RBM11: variants seen among roughly 807,000 people sequenced by gnomAD.
The protein encoded by RBM11 is splicing regulator RBM11.
RBM11 carries 18 observed loss-of-function variants against 21.4 expected under a neutral mutation model. The observed-to-expected ratio is 0.84, with a 90% CI of 0.58 to 1.25. The LOEUF (loss-of-function observed/expected upper bound fraction) is 1.25. Among genes scored for constraint, RBM11 ranks in the 50% most tolerant of loss-of-function variants. The probability of loss-of-function intolerance (pLI) is 0.00; values close to 1 mark genes in which losing one functional copy is unlikely to be tolerated. For missense variants in RBM11, 294 were observed against 331.9 expected, an observed-to-expected ratio of 0.89 and a Z score of 0.89; for synonymous variants, 120 against 116.3, an observed-to-expected ratio of 1.03 and a Z score of -0.20.
chr21:14,227,529 AAT>A lies in RBM11; in HGVS notation c.*238_*239del, dbSNP rs1174569672. On this transcript the variant is annotated 3_prime_UTR_variant, in exon 5 of 5. Transcript: ENST00000400577. ...TGATATTTTTGACCCATTGGCAACAAATAGACTATTGTCATTTTATTAGTACC... is the reference window on the plus strand; with the variant it reads ...TGATATTTTTGACCCATTGGCAACAAAGACTATTGTCATTTTATTAGTACC... 1 of 480,426 alleles carries A rather than the reference AAT, an allele frequency of 2.1e-6. No homozygotes were observed. The highest frequency in any genetic ancestry group is 3.6e-5 in the East Asian group (1 of 27,762). The allele number at this position is 480,426 out of a possible 1,614,324, so 29.8% of individuals were successfully genotyped here. A position where few individuals can be genotyped will look rare whatever the true frequency, so the allele number is the denominator to read the frequency against.
At chr21:14,223,259 C>T (rs1235559981) in intron 3 of RBM11, among the ~76,000 whole-genome samples, 1 of 152,158 alleles carries the variant, frequency 6.6e-6, no homozygotes, top group African/African-American at 2.4e-5. Flanking sequence ...GTTATCATGT[C>T]CCCAAAGTGA....
intron 3 of RBM11, among the ~76,000 whole-genome samples, chr21:14,222,845 A>T (rs1387125859): frequency 6.6e-6 from 1 of 152,224 alleles, no homozygotes; most frequent in Admixed American, 6.5e-5. Flanking sequence ...TGAATTTTAT[A>T]ATTAACACAA....
At chr21:14,222,635 G>A (rs1254200943) in intron 3 of RBM11, among the ~76,000 whole-genome samples, 1 of 152,164 alleles carries the variant, frequency 6.6e-6, no homozygotes, top group Admixed American at 6.5e-5. Flanking sequence ...AGGAGGTGGT[G>A]AAATTAGATT....
intron 1 of RBM11, among the ~76,000 whole-genome samples, chr21:14,218,851 A>G (rs1354943326): frequency 6.6e-6 from 1 of 152,094 alleles, no homozygotes; most frequent in African/African-American, 2.4e-5. Flanking sequence ...GTGTTTTTAA[A>G]TCTTCATTGC....
In RBM11 at chr21:14,227,033, G is replaced by A. The variant is rs139439630; in HGVS notation, c.586G>A (p.Asp196Asn). The A allele has an allele frequency of 5.9e-3, 9,332 of 1,584,638 alleles. 128 individuals carry two copies. Among genetic ancestry groups the A allele is most frequent in the Non-Finnish European group, 5.8e-3 (6,692 of 1,154,864 alleles). The change falls in exon 5 of 5, where the codon GAC becomes AAC. Residue 196 changes from aspartate to asparagine, a missense_variant. By Grantham distance (23) the Asp-to-Asn change is conservative. Around this residue, in one of 2 missense-constraint regions of RBM11, gnomAD observed 113 missense variants for 167.3 expected, o/e 0.68. Transcript: ENST00000400577. Reference sequence around the variant, plus strand: ...TAAATGGACTCACCAACAACCAAGTGACTCTGACCTTTATCAGATGACAGC... The same window carrying A: ...TAAATGGACTCACCAACAACCAAGTAACTCTGACCTTTATCAGATGACAGC... ...SYKWTHQQPSDSDLYQMTAPL... is the reference protein window; with the variant it reads ...SYKWTHQQPSNSDLYQMTAPL...
chr21:14,227,230 C>A lies in RBM11; in HGVS notation c.783C>A (p.Asp261Glu). The change falls in exon 5 of 5, where the codon GAC (aspartate) becomes GAA (glutamate). Residue 261 changes from aspartate to glutamate, a missense_variant. Physicochemically the swap from Asp to Glu is conservative, Grantham distance 45 (BLOSUM62 2). This residue lies in a region of RBM11 where 113 missense variants were observed against 167.3 expected (regional missense o/e 0.68). Coordinates refer to ENST00000400577, the MANE Select transcript of RBM11 (RefSeq NM_144770.5). The stretch of plus-strand genomic sequence containing the variant: ...CAAGTGATAGTGATAGTAGCACAGA[C>A]AACAACAGAGGCAACGAATGTAGCC... The part of the protein sequence containing the change: ...KQTSDSDSST[D>E]NNRGNECSQK... The A allele has an allele frequency of 1.2e-6, 2 of 1,613,952 alleles. No individual in the cohort carries two copies. Among genetic ancestry groups the A allele is most frequent in the Non-Finnish European group, 1.7e-6 (2 of 1,179,884 alleles).
At chr21:14,221,795 G>C (rs1433384124) in intron 3 of RBM11, among the ~76,000 whole-genome samples, 1 of 152,134 alleles carries the variant, frequency 6.6e-6, no homozygotes, top group Non-Finnish European at 1.5e-5. Flanking sequence ...TTTAAAAACA[G>C]TGAAAAGCAA....
At position 14,216,314 on chromosome 21, in the gene RBM11, C is replaced by T. The variant is rs2020441687; in HGVS notation, c.96+32C>T. 5.1e-6 allele frequency: 8 copies of T among 1,582,878 alleles called. No individual in the cohort carries two copies. The Admixed American group carries it at 5.2e-5, about 10-fold the overall frequency. On this transcript the variant is annotated intron_variant, in intron 1 of 4. Transcript: ENST00000400577. ...TCTCTGGGAAGGGGCGGCGGAGGGGCGGAGCACGTCGGGCCGGAAACATAG... is the reference window on the plus strand; with the variant it reads ...TCTCTGGGAAGGGGCGGCGGAGGGGTGGAGCACGTCGGGCCGGAAACATAG...
At chr21:14,224,649 A>G (rs1978948796) in intron 4 of RBM11, 112 bp downstream of exon 4, 1 of 1,399,034 alleles carries the variant, frequency 7.1e-7, no homozygotes, top group South Asian at 1.5e-5. Flanking sequence ...AAGGCACAAG[A>G]TGTCCCAGCA....
At position 14,227,517 on chromosome 21, in the gene RBM11, C is replaced by A; in HGVS notation, c.*224C>A. ...TTGTATTTGTCATGATATTTTTGAC[C>A]CATTGGCAACAAATAGACTATTGTC... On this transcript the variant is annotated 3_prime_UTR_variant, in exon 5 of 5. Coordinates refer to ENST00000400577, the MANE Select transcript of RBM11 (RefSeq NM_144770.5). 5.8e-6 allele frequency: 3 copies of A among 515,634 alleles called. No homozygotes were observed. Among genetic ancestry groups the A allele is most frequent in the Non-Finnish European group, 6.7e-6 (2 of 299,588 alleles). 31.9% of individuals were successfully genotyped at this position (515,634 alleles called of 1,614,324 possible).
intron 3 of RBM11, among the ~76,000 whole-genome samples, chr21:14,222,234 C>A (rs1000531068): frequency 1.3e-5 from 2 of 151,344 alleles, no homozygotes; most frequent in African/African-American, 2.4e-5. Flanking sequence ...AGATCTATAT[C>A]TATATATAGA....
intron 3 of RBM11, among the ~76,000 whole-genome samples, chr21:14,221,707 G>C (rs1414174635): frequency 1.3e-5 from 2 of 152,120 alleles, no homozygotes; most frequent in Admixed American, 1.3e-4. Flanking sequence ...TCTCTGGCAG[G>C]CTATCCCAGA....
In RBM11 at chr21:14,216,393, G is replaced by C. The variant is rs1419671754; in HGVS notation, c.96+111G>C. 5.8e-6 allele frequency: 5 copies of C among 862,376 alleles called. No homozygotes were observed. In the Admixed American group the frequency reaches 1.2e-4, roughly 21 times the overall value. The allele number at this position is 862,376 out of a possible 1,614,324, so 53.4% of individuals were successfully genotyped here. ...CCCCTTCCGTCCCATCCTGAGCAGG[G>C]GTTTTAATTTCGTTTCCTCTTGGCG... On this transcript the variant is annotated intron_variant, in intron 1 of 4. Coordinates refer to ENST00000400577, the MANE Select transcript of RBM11 (RefSeq NM_144770.5).
At chr21:14,225,471 G>T (rs1428440796) in intron 4 of RBM11, among the ~76,000 whole-genome samples, 1 of 152,030 alleles carries the variant, frequency 6.6e-6, no homozygotes, top group Non-Finnish European at 1.5e-5. Flanking sequence ...GAAGTCCAGG[G>T]TTGTTAATCT....
At chr21:14,226,619 CAAAA>C (rs59480179) in intron 4 of RBM11, among the ~76,000 whole-genome samples, 1 of 131,784 alleles carries the variant, frequency 7.6e-6, no homozygotes. Context: ...GACCCTGTCT[CAAAA>C]AAAAAAAAAA....
Position 14,227,420 on chromosome 21 carries a change from A to T in RBM11, c.*127A>T, listed in dbSNP as rs1402439396. On this transcript the variant is annotated 3_prime_UTR_variant, in exon 5 of 5. Transcript: ENST00000400577. Reference sequence around the variant, plus strand: ...TTTGAAATATGTAGTAATAAGACTTATCTCTGGTTTGCTGTTCAATTTTTG... The same window carrying T: ...TTTGAAATATGTAGTAATAAGACTTTTCTCTGGTTTGCTGTTCAATTTTTG... 1 of 1,066,234 alleles carries T rather than the reference A, an allele frequency of 9.4e-7. No homozygotes were observed. Among genetic ancestry groups the T allele is most frequent in the Non-Finnish European group, 1.3e-6 (1 of 770,296 alleles). 66.0% of individuals were successfully genotyped at this position (1,066,234 alleles called of 1,614,324 possible).
At chr21:14,217,009 A>G (rs937077808) in intron 1 of RBM11, among the ~76,000 whole-genome samples, 4 of 152,210 alleles carry the variant, frequency 2.6e-5, no homozygotes, top group African/African-American at 9.6e-5. Flanking sequence ...GGGTGCTGGG[A>G]AAACAAATTG....
intron 4 of RBM11, among the ~76,000 whole-genome samples, chr21:14,224,819 A>G (rs1180028667): frequency 6.6e-6 from 1 of 152,178 alleles, no homozygotes; most frequent in Non-Finnish European, 1.5e-5. Flanking sequence ...GTAAATGACT[A>G]TTTTAAAAGA....
chr21:14,227,480 A>T lies in RBM11; in HGVS notation c.*187A>T. 1.7e-6 allele frequency: 1 copy of T among 598,900 alleles called. No individual in the cohort carries two copies. The highest frequency in any genetic ancestry group is 2.8e-6 in the Non-Finnish European group (1 of 361,412). The allele number at this position is 598,900 out of a possible 1,614,324, so 37.1% of individuals were successfully genotyped here. ...ACAAAAGCTTTCTAAAAATAGTATA[A>T]TGTACCACTTTTTGTATTTGTCATG... On this transcript the variant is annotated 3_prime_UTR_variant, in exon 5 of 5. Transcript: ENST00000400577.
Sources: gnomAD v4.1 joint callset for allele counts (sites outside exome capture counted in the v4.1 genomes callset) on GRCh38, gnomAD v4.1.1 for gene constraint, gnomAD v4.1.1 regional missense constraint, MANE v1.5 for transcripts, NCBI Gene and HGNC (gene_info 2026-07-23, HGNC 2026-07-21) for gene names.